The following PSTPIP2 variants were observed in gnomAD, a reference collection of about 807,000 sequenced individuals.
PSTPIP2 encodes the protein proline-serine-threonine phosphatase-interacting protein 2.
PSTPIP2 carries 33 observed loss-of-function variants against 63.3 expected under a neutral mutation model. The observed-to-expected ratio is 0.52, with a 90% CI of 0.40 to 0.70. PSTPIP2 has a LOEUF of 0.70. Among genes scored for constraint, PSTPIP2 ranks in the 30% least tolerant of loss-of-function variants. The pLI, the probability that PSTPIP2 is intolerant of heterozygous loss-of-function variation, is 0.00. For synonymous variants in PSTPIP2, 125 were observed against 132.7 expected (o/e 0.94, Z 0.40); for missense variants, 312 against 400.7 (o/e 0.78, Z 1.89).
intron 1 of PSTPIP2, among the ~76,000 whole-genome samples, chr18:46,061,810 A>C (rs1483984849): frequency 6.6e-6 from 1 of 152,222 alleles, no homozygotes; most frequent in African/African-American, 2.4e-5. Flanking sequence ...CTCCTGGGAC[A>C]GAGAAAACAA....
At chr18:46,034,267 G>A (rs990517292) in intron 2 of PSTPIP2, among the ~76,000 whole-genome samples, 3 of 152,140 alleles carry the variant, frequency 2.0e-5, no homozygotes, top group Non-Finnish European at 4.4e-5. Context: ...TGGGCATAAA[G>A]GTGTTCCACA....
At chr18:46,035,602 A>C (rs1264168856) in intron 2 of PSTPIP2, among the ~76,000 whole-genome samples, 2 of 152,178 alleles carry the variant, frequency 1.3e-5, no homozygotes, top group African/African-American at 4.8e-5. Flanking sequence ...CAATAAACCC[A>C]TCTGGCTGAA....
At chr18:46,004,018 G>A (rs55702686) in intron 6 of PSTPIP2, among the ~76,000 whole-genome samples, 2,504 of 151,556 alleles carry the variant, frequency 0.017, 77 homozygotes, top group African/African-American at 0.057. Context: ...CACCTGCCTC[G>A]GCCTCCCGAA....
intron 3 of PSTPIP2, chr18:46,016,252 T>A: frequency 3.8e-6 from 1 of 261,534 alleles, no homozygotes; most frequent in Non-Finnish European, 7.5e-6. Flanking sequence ...CTTTAAAGTA[T>A]GGCAAGGAGG....
chr18:46,064,951 C>T (rs1323280657), intron 1 of PSTPIP2, among the ~76,000 whole-genome samples: 2 of 151,646 alleles, frequency 1.3e-5, no homozygotes, highest in Non-Finnish European at 2.9e-5. Flanking sequence ...TCAAGACCAG[C>T]CTGACCAACA....
At chr18:46,013,614 G>A (rs4890613) in intron 4 of PSTPIP2, among the ~76,000 whole-genome samples, 16,800 of 151,810 alleles carry the variant, frequency 0.11, 1,194 homozygotes, top group East Asian at 0.38. Context: ...TGAATTCCAA[G>A]TTGCAGTTAT....
intron 2 of PSTPIP2, chr18:46,028,726 T>A: frequency 1.1e-6 from 1 of 924,090 alleles, no homozygotes; most frequent in Non-Finnish European, 1.8e-6. Context: ...AAGTAAACTT[T>A]AGAAAGACAA....
intron 1 of PSTPIP2, among the ~76,000 whole-genome samples, chr18:46,058,089 C>G (rs1207229437): frequency 6.6e-6 from 1 of 151,510 alleles, no homozygotes; most frequent in African/African-American, 2.4e-5. Context: ...AACTCTGGGT[C>G]AGAGGAAGAG....
chr18:45,997,044 C>G (rs2051603116), intron 9 of PSTPIP2, among the ~76,000 whole-genome samples: 1 of 152,232 alleles, frequency 6.6e-6, no homozygotes, highest in Non-Finnish European at 1.5e-5. Flanking sequence ...ACTGATTCAG[C>G]TATTCTATGC....
chr18:46,048,791 T>C (rs760126019), intron 1 of PSTPIP2, among the ~76,000 whole-genome samples: 3 of 152,214 alleles, frequency 2.0e-5, no homozygotes, highest in Non-Finnish European at 2.9e-5. Flanking sequence ...CTTCTTTTGC[T>C]AGAAAGGACA....
intron 3 of PSTPIP2, among the ~76,000 whole-genome samples, chr18:46,023,251 A>G (rs368367748): frequency 1.4e-4 from 22 of 152,220 alleles, no homozygotes; most frequent in African/African-American, 5.3e-4. Flanking sequence ...CTGCACATAT[A>G]CCCCTAAACT....
At chr18:46,064,278 C>CT (rs1909092961) in intron 1 of PSTPIP2, among the ~76,000 whole-genome samples, 1 of 113,026 alleles carries the variant, frequency 8.8e-6, no homozygotes, top group Non-Finnish European at 1.8e-5. Context: ...CTTTCTTTTT[C>CT]TTTCTTTTTT....
At chr18:46,054,494 G>A (rs1037626632) in intron 1 of PSTPIP2, among the ~76,000 whole-genome samples, 3 of 152,086 alleles carry the variant, frequency 2.0e-5, no homozygotes, top group Non-Finnish European at 2.9e-5. Context: ...TATAAACCAT[G>A]AGCTTCAGTG....
intron 6 of PSTPIP2, among the ~76,000 whole-genome samples, chr18:46,003,644 A>T (rs2051693334): frequency 6.6e-6 from 1 of 150,956 alleles, no homozygotes; most frequent in East Asian, 1.9e-4. Flanking sequence ...CTTCTTTGGC[A>T]CTCAGTCTGT....
chr18:46,030,459 AGATAAT>A (rs1907751688), intron 2 of PSTPIP2, among the ~76,000 whole-genome samples: 1 of 152,222 alleles, frequency 6.6e-6, no homozygotes. Flanking sequence ...CGGAAGTGTT[AGATAAT>A]GAGCATTGTT....
At chr18:46,002,365 A>T (rs566254696) in intron 6 of PSTPIP2, among the ~76,000 whole-genome samples, 1 of 152,160 alleles carries the variant, frequency 6.6e-6, no homozygotes, top group South Asian at 2.1e-4. Flanking sequence ...TCACAGAGAC[A>T]TTAGTGTTAG....
intron 5 of PSTPIP2, among the ~76,000 whole-genome samples, chr18:46,006,389 T>TTTG (rs2051726974): frequency 8.5e-6 from 1 of 118,042 alleles, no homozygotes; most frequent in Non-Finnish European, 1.8e-5. Flanking sequence ...TTTTTTTTTC[T>TTTG]GAGACAGAGT....
chr18:45,997,618 C>T (rs1683377934), intron 9 of PSTPIP2, 131 bp downstream of exon 9: 1 of 102,004 alleles, frequency 9.8e-6, no homozygotes, highest in South Asian at 4.0e-4. Context: ...CCTCCCCCAA[C>T]CCCCGGCCCC....
intron 10 of PSTPIP2, among the ~76,000 whole-genome samples, chr18:45,993,104 TC>T (rs1206190720): frequency 6.6e-6 from 1 of 152,198 alleles, no homozygotes; most frequent in Admixed American, 6.5e-5. Flanking sequence ...GAATTTTTTT[TC>T]TTTTTTTGAG....
Sources: allele counts gnomAD v4.1 joint callset (sites outside exome capture counted in the v4.1 genomes callset), GRCh38; gene constraint gnomAD v4.1.1; transcripts MANE v1.5; gene names NCBI Gene and HGNC (gene_info 2026-07-23, HGNC 2026-07-21).